Variants in TMEM231 observed in about 807,000 individuals in gnomAD.
TMEM231 encodes the protein transmembrane protein 231.
A neutral mutation model predicts 38.5 loss-of-function variants in TMEM231; 40 were observed. That is an observed-to-expected ratio of 1.04 (90% CI 0.81 to 1.35). The LOEUF (loss-of-function observed/expected upper bound fraction) is 1.35. Ranked by LOEUF, TMEM231 falls within the 40% of genes most tolerant of loss-of-function variation. The pLI, the probability that TMEM231 is intolerant of heterozygous loss-of-function variation, is 0.00. For missense variants in TMEM231, 420 were observed against 416.9 expected (o/e 1.01, Z -0.07); for synonymous variants, 199 against 181.7 (o/e 1.10, Z -0.77).
intron 2 of TMEM231, among the ~76,000 whole-genome samples, chr16:75,549,856 G>A (rs1438410044): frequency 1.3e-5 from 2 of 152,054 alleles, no homozygotes; most frequent in Admixed American, 6.6e-5. Context: ...TTACAGGTGT[G>A]CGCCACTACG....
At chr16:75,554,649 T>G (rs992318377) in intron 2 of TMEM231, among the ~76,000 whole-genome samples, 3 of 152,120 alleles carry the variant, frequency 2.0e-5, no homozygotes, top group African/African-American at 7.2e-5. Context: ...AGAATACAGC[T>G]GATTAATAAG....
At chr16:75,554,480 A>AG in intron 2 of TMEM231, among the ~76,000 whole-genome samples, 1 of 148,490 alleles carries the variant, frequency 6.7e-6, no homozygotes, top group East Asian at 2.0e-4. Context: ...CAGGAGGCAG[A>AG]GTTGCAGTGA....
chr16:75,540,015 C>T lies in TMEM231; in HGVS notation c.930G>A (p.Leu310=), dbSNP rs1362332031. 4 of 1,612,516 alleles carry T rather than the reference C, an allele frequency of 2.5e-6. No homozygotes were observed. The highest frequency in any genetic ancestry group is 3.4e-6 in the Non-Finnish European group (4 of 1,179,286). Residue 310 remains leucine (L), a synonymous_variant, in exon 7 of 7, where the codon TTG becomes TTA. Transcript: ENST00000258173. The part of the protein sequence containing the change: ...IPVTVTPRGD[L]CKEHLS ...CTTTCTAGGATAAGTGCTCCTTACA[C>T]AAGTCTCCCCGGGGCGTCACTGTCA...
intron 4 of TMEM231, among the ~76,000 whole-genome samples, chr16:75,544,701 G>C (rs1489901348): frequency 6.6e-6 from 1 of 152,152 alleles, no homozygotes; most frequent in East Asian, 1.9e-4. Context: ...GTGTCCTTCG[G>C]AGTACATCCT....
In TMEM231 at chr16:75,546,074, T is replaced by A. The variant is rs3103964; in HGVS notation, c.310-120A>T. 4.5e-5 allele frequency: 69 copies of A among 1,549,004 alleles called. No individual in the cohort carries two copies. The Middle Eastern group carries it at 8.4e-4, about 19-fold the overall frequency. ...GCTGTACACAACAGGCATTATCTCCTCCACTAAAAGAGAAAAGCAGATAGA... is the reference window on the plus strand; with the variant it reads ...GCTGTACACAACAGGCATTATCTCCACCACTAAAAGAGAAAAGCAGATAGA... On this transcript the variant is annotated intron_variant, in intron 2 of 6. Transcript: ENST00000258173.
rs371581537 is a variant in TMEM231, at chr16:75,544,221, G to A, written c.582+1131C>T. ...ACTGCTGTCAAGGCTGAGGGAGACA[G>A]CAAATAAACACACAAACACATATCC... On this transcript the variant is annotated intron_variant, in intron 4 of 6. Coordinates refer to ENST00000258173, the MANE Select transcript of TMEM231 (RefSeq NM_001077418.3). Among the ~76,000 whole-genome samples, 7 of 152,342 alleles carry A rather than the reference G, an allele frequency of 4.6e-5. No individual in the cohort carries two copies. The East Asian group carries it at 5.8e-4, about 13-fold the overall frequency.
At position 75,537,121 on chromosome 16, in the gene TMEM231, CAA is replaced by C. The variant is rs35767878; in HGVS notation, c.*2871_*2872del. ...TGGGTAACAGAGTGAGACTCTGTCT[CAA>C]AAAAAAAAAAAAAAAAGAAAAAGAA... On this transcript the variant is annotated 3_prime_UTR_variant, in exon 7 of 7. Coordinates refer to ENST00000258173, the MANE Select transcript of TMEM231 (RefSeq NM_001077418.3). 0.26 allele frequency: 27,545 copies of C among 106,708 alleles called. 2,392 individuals carry two copies. The highest frequency in any genetic ancestry group is 0.3 in the Middle Eastern group (64 of 216). The allele number at this position is 106,708 out of a possible 1,614,324, so 6.6% of individuals were successfully genotyped here. A position where few individuals can be genotyped will look rare whatever the true frequency, so the allele number is the denominator to read the frequency against.
At chr16:75,548,403 T>C (rs546877178) in intron 2 of TMEM231, among the ~76,000 whole-genome samples, 2 of 152,294 alleles carry the variant, frequency 1.3e-5, no homozygotes, top group East Asian at 3.9e-4. Flanking sequence ...TACGTACTTT[T>C]TGGAAACACG....
In TMEM231 at chr16:75,541,415, C is replaced by A; in HGVS notation, c.705G>T (p.Val235=). 2 of 1,612,308 alleles carry A rather than the reference C, an allele frequency of 1.2e-6. No homozygotes were observed. Among genetic ancestry groups the A allele is most frequent in the East Asian group, 2.2e-5 (1 of 44,784 alleles). The change falls in exon 6 of 7, where the codon GTG becomes GTT. Residue 235 remains valine, a synonymous_variant. Coordinates refer to ENST00000258173, the MANE Select transcript of TMEM231 (RefSeq NM_001077418.3). ...CAAATGGAGCATCTGCGGCCCTGCC[C>A]ACCAGCCAGATGGGGTTGGGATCAT... The part of the protein sequence containing the change: ...VLNDPNPIWL[V]GRAADAPFVI...
chr16:75,547,676 G>A (rs1597043742), intron 2 of TMEM231, among the ~76,000 whole-genome samples: 1 of 152,186 alleles, frequency 6.6e-6, no homozygotes, highest in East Asian at 1.9e-4. Flanking sequence ...CTACTCAGGA[G>A]GCTGAGGCAG....
Position 75,538,940 on chromosome 16 carries a change from C to G in TMEM231, c.*1054G>C, listed in dbSNP as rs1297645591. The G allele has an allele frequency of 1.3e-5, 2 of 152,270 alleles. No individual in the cohort carries two copies. The highest frequency in any genetic ancestry group is 2.9e-5 in the Non-Finnish European group (2 of 68,082). The allele number at this position is 152,270 out of a possible 1,614,324, so 9.4% of individuals were successfully genotyped here. A position where few individuals can be genotyped will look rare whatever the true frequency, so the allele number is the denominator to read the frequency against. On this transcript the variant is annotated 3_prime_UTR_variant, in exon 7 of 7. Transcript: ENST00000258173. ...TGGACTGGCCTGCCCAGGCCAGCAT[C>G]CTCTTTACACTCTTACTGCTTCTTG... is the stretch of plus-strand genomic sequence containing the variant.
chr16:75,556,102 G>A lies in TMEM231; in HGVS notation c.108C>T (p.Ile36=). 2.5e-6 allele frequency: 4 copies of A among 1,570,918 alleles called. No homozygotes were observed. Among genetic ancestry groups the A allele is most frequent in the Non-Finnish European group, 2.6e-6 (3 of 1,159,538 alleles). ...FLLLAAALTY[I]PPLLVAFRSH... ...TCCGGAAGGCCACCAGCAGCGGCGG[G>A]ATGTACGTGAGCGCAGCGGCCAGCA... The change falls in exon 1 of 7, where the codon ATC becomes ATT. Residue 36 remains isoleucine, a synonymous_variant. Transcript: ENST00000258173.
intron 4 of TMEM231, among the ~76,000 whole-genome samples, chr16:75,544,949 C>CTTTTTTT (rs71134720): frequency 1.1e-5 from 1 of 89,598 alleles, no homozygotes; most frequent in African/African-American, 3.8e-5. Context: ...TTTTCTTTTT[C>CTTTTTTT]TTTTTTTTTT....
chr16:75,544,344 G>C (rs934600605), intron 4 of TMEM231, among the ~76,000 whole-genome samples: 1 of 152,204 alleles, frequency 6.6e-6, no homozygotes, highest in South Asian at 2.1e-4. Flanking sequence ...TGGGCTTGGG[G>C]ATATCTGAAC....
chr16:75,546,333 GT>G (rs367927164), intron 2 of TMEM231, among the ~76,000 whole-genome samples: 148 of 152,252 alleles, frequency 9.7e-4, no homozygotes, highest in African/African-American at 3.4e-3. Context: ...TGTCAGAATA[GT>G]CTTCTATGTC....
chr16:75,550,837 C>T (rs1436056215), intron 2 of TMEM231, among the ~76,000 whole-genome samples: 2 of 151,990 alleles, frequency 1.3e-5, no homozygotes, highest in East Asian at 1.9e-4. Flanking sequence ...GTGCCTCAGC[C>T]TCCCAAACAG....
chr16:75,544,949 C>CTT (rs71134720), intron 4 of TMEM231, among the ~76,000 whole-genome samples: 1 of 89,596 alleles, frequency 1.1e-5, no homozygotes, highest in Admixed American at 1.2e-4. Context: ...TTTTCTTTTT[C>CTT]TTTTTTTTTT....
intron 2 of TMEM231, among the ~76,000 whole-genome samples, chr16:75,549,431 C>A (rs1383910207): frequency 6.6e-6 from 1 of 152,126 alleles, no homozygotes; most frequent in Non-Finnish European, 1.5e-5. Flanking sequence ...CATTCATTGT[C>A]CCACGTGATT....
chr16:75,546,105 G>C (rs2080687493), intron 2 of TMEM231, 151 bp from the exon 3 acceptor site: 4 of 1,541,254 alleles, frequency 2.6e-6, no homozygotes, highest in Non-Finnish European at 3.5e-6. Flanking sequence ...ATAGATGTAA[G>C]TGCATTAATA....
Sources: gnomAD v4.1 joint callset for allele counts (sites outside exome capture counted in the v4.1 genomes callset) on GRCh38, gnomAD v4.1.1 for gene constraint, MANE v1.5 for transcripts, NCBI Gene and HGNC (gene_info 2026-07-23, HGNC 2026-07-21) for gene names.